The following SOX5 variants were observed in gnomAD, a reference collection of about 807,000 sequenced individuals.
SOX5 encodes the protein transcription factor SOX-5.
SOX5 carries 9 observed loss-of-function variants against 92.0 expected under a neutral mutation model. That is an observed-to-expected ratio of 0.10 (90% CI 0.06 to 0.17). The LOEUF is 0.17. SOX5 is among the 10% of genes least tolerant of loss of function. SOX5 has a pLI of 1.00. For missense variants in SOX5, 642 were observed against 944.5 expected (o/e 0.68, Z 4.20); for synonymous variants, 344 against 336.3 (o/e 1.02, Z -0.25).
chr12:23,622,124 C>T (rs1482014939), intron 8 of SOX5, among the ~76,000 whole-genome samples: 2 of 152,066 alleles, frequency 1.3e-5, no homozygotes, highest in Non-Finnish European at 2.9e-5. Flanking sequence ...CTTTGGACTG[C>T]TTCCCACCAT....
At chr12:24,380,725 C>A (rs767799090) in intron 1 of SOX5, among the ~76,000 whole-genome samples, 8 of 152,032 alleles carry the variant, frequency 5.3e-5, no homozygotes, top group Non-Finnish European at 1.2e-4. Flanking sequence ...TCCCAGAGTT[C>A]TTGATATATT....
chr12:23,704,544 C>T lies in SOX5; in HGVS notation c.810+30140G>A, dbSNP rs534517609. Among the ~76,000 whole-genome samples the T allele has an allele frequency of 5.3e-5, 8 of 151,284 alleles. No individual in the cohort carries two copies. The South Asian group carries it at 6.3e-4, about 12-fold the overall frequency. On this transcript the variant is annotated intron_variant, in intron 6 of 14. Coordinates refer to ENST00000451604, the MANE Select transcript of SOX5 (RefSeq NM_006940.6). ...ACAATAAGGTGAGGGTGACGTATAA[C>T]GACACCTAGGAAAGTTGTTACCACC...
chr12:23,625,815 G>C (rs915049557), intron 8 of SOX5, among the ~76,000 whole-genome samples: 7 of 152,148 alleles, frequency 4.6e-5, no homozygotes, highest in African/African-American at 1.2e-4. Flanking sequence ...CACCATGTTG[G>C]TCAGGCTGGT....
chr12:24,010,291 C>A (rs539504880), intron 4 of SOX5, among the ~76,000 whole-genome samples: 49 of 152,230 alleles, frequency 3.2e-4, no homozygotes, highest in African/African-American at 1.1e-3. Context: ...TCCTCACATA[C>A]CCCAAGGTGC....
chr12:23,905,664 T>A (rs1485189550), intron 1 of SOX5, among the ~76,000 whole-genome samples: 2 of 152,184 alleles, frequency 1.3e-5, no homozygotes, highest in Non-Finnish European at 1.5e-5. Flanking sequence ...TAGAGTTAAT[T>A]GTGATAAATA....
At chr12:23,856,279 C>A (rs1568377230) in intron 2 of SOX5, among the ~76,000 whole-genome samples, 2 of 152,092 alleles carry the variant, frequency 1.3e-5, no homozygotes, top group Non-Finnish European at 2.9e-5. Flanking sequence ...ATGCTATACA[C>A]AGATTTTGTC....
intron 6 of SOX5, among the ~76,000 whole-genome samples, chr12:23,705,502 C>CGTGT (rs1312297195): frequency 2.6e-5 from 4 of 152,012 alleles, no homozygotes; most frequent in African/African-American, 9.7e-5. Context: ...CACACACACA[C>CGTGT]ATACACAGTA....
At chr12:24,093,383 C>A (rs574884369) in intron 4 of SOX5, among the ~76,000 whole-genome samples, 14 of 152,044 alleles carry the variant, frequency 9.2e-5, no homozygotes, top group Middle Eastern at 3.4e-3. Context: ...ACTAGCCAGG[C>A]GTGGTGGCGG....
chr12:23,648,585 G>C (rs150055988), intron 7 of SOX5, among the ~76,000 whole-genome samples: 5 of 152,258 alleles, frequency 3.3e-5, no homozygotes, highest in Admixed American at 3.3e-4. Context: ...AATAGAGTCT[G>C]TCTGGTATGA....
chr12:23,574,952 ACT>A (rs1948894631), intron 10 of SOX5, among the ~76,000 whole-genome samples: 1 of 152,038 alleles, frequency 6.6e-6, no homozygotes, highest in South Asian at 2.1e-4. Flanking sequence ...AGAATGAATG[ACT>A]CTCCCTTAAC....
rs1324995276 is a variant in SOX5, at chr12:23,837,349, A to G, written c.481+8634T>C. Among the ~76,000 whole-genome samples the G allele has an allele frequency of 8.4e-5, 5 of 59,530 alleles. 1 individual carries two copies. The highest frequency in any genetic ancestry group is 2.4e-4 in the African/African-American group (3 of 12,740). 39.1% of individuals were successfully genotyped at this position (59,530 alleles called of 152,430 possible). A position where few individuals can be genotyped will look rare whatever the true frequency, so the allele number is the denominator to read the frequency against. ...TAATATATAAGATATATTTATATTT[A>G]TATAATATATAAGATATATTTATAT... On this transcript the variant is annotated intron_variant, in intron 3 of 14. Transcript: ENST00000451604.
Position 24,522,817 on chromosome 12 carries a change from T to C in SOX5, c.-251+39512A>G, listed in dbSNP as rs78134762. Among the ~76,000 whole-genome samples, 354 of 152,218 alleles carry C rather than the reference T, an allele frequency of 2.3e-3. 2 individuals carry two copies. The highest frequency in any genetic ancestry group is 8.0e-3 in the African/African-American group (334 of 41,530). ...ATTCCACATCTACTCATATTCAACA[T>C]TGAAAAACTGAAAGCTTTTCCACTA... is the stretch of plus-strand genomic sequence containing the variant. On this transcript the variant is annotated intron_variant, in intron 1 of 4. Transcript: ENST00000446891.
intron 4 of SOX5, among the ~76,000 whole-genome samples, chr12:24,122,018 T>C (rs1948684865): frequency 6.6e-6 from 1 of 151,548 alleles, no homozygotes; most frequent in South Asian, 2.1e-4. Flanking sequence ...AGGGGGCTGA[T>C]GATTAACAAC....
intron 7 of SOX5, among the ~76,000 whole-genome samples, chr12:23,661,219 A>G (rs541805125): frequency 6.6e-6 from 1 of 152,288 alleles, no homozygotes; most frequent in African/African-American, 2.4e-5. Context: ...CAATTTGTAA[A>G]CCATCTAATG....
chr12:23,632,701 G>A (rs1455542198), intron 8 of SOX5, among the ~76,000 whole-genome samples: 6 of 152,058 alleles, frequency 3.9e-5, no homozygotes, highest in Non-Finnish European at 8.8e-5. Flanking sequence ...CATCAGACAG[G>A]AGCTTAAGCC....
chr12:23,931,899 G>A (rs772225038), intron 1 of SOX5, among the ~76,000 whole-genome samples: 17 of 151,516 alleles, frequency 1.1e-4, no homozygotes, highest in Non-Finnish European at 1.5e-4. Flanking sequence ...GGTATTCATG[G>A]CTATCTTCAG....
intron 4 of SOX5, among the ~76,000 whole-genome samples, chr12:23,970,841 A>ATATATATATATAAAATT: frequency 2.3e-4 from 5 of 21,884 alleles, no homozygotes; most frequent in South Asian, 2.2e-3. Flanking sequence ...TATATATATA[A>ATATATATATATAAAATT]TTTTTTTTTT....
rs1014208048 is a variant in SOX5 at position 23,611,351 on chromosome 12, A to G, written c.1018-6818T>C. On this transcript the variant is annotated intron_variant, in intron 8 of 14. Transcript: ENST00000451604. ...TTTTTTCAAGGCTGAAAAGTATTCC[A>G]TCGTGTGTGTGTGTGTGCGTGTGTG... Among the ~76,000 whole-genome samples the G allele has an allele frequency of 5.5e-5, 8 of 146,690 alleles. No homozygotes were observed. The Admixed American group carries it at 5.6e-4, about 10-fold the overall frequency.
At chr12:23,595,551 G>A (rs773767659) in intron 9 of SOX5, among the ~76,000 whole-genome samples, 10 of 149,194 alleles carry the variant, frequency 6.7e-5, no homozygotes, top group South Asian at 2.1e-4. Context: ...CCCGGGAGGC[G>A]GAGCTTGCAG....
Sources: gnomAD v4.1 joint callset for allele counts (sites outside exome capture counted in the v4.1 genomes callset) on GRCh38, gnomAD v4.1.1 for gene constraint, MANE v1.5 for transcripts, NCBI Gene and HGNC (gene_info 2026-07-23, HGNC 2026-07-21) for gene names.